The following LANCL3 variants were observed in gnomAD, a reference collection of about 807,000 sequenced individuals.
LANCL3 encodes the protein LanC like family member 3.
In LANCL3, 19 loss-of-function variants were observed where a neutral mutation model predicts 26.5. That is an observed-to-expected ratio of 0.72 (90% CI 0.50 to 1.05). The LOEUF (loss-of-function observed/expected upper bound fraction) is 1.05. Ranked by LOEUF, LANCL3 falls within the 50% of genes least tolerant of loss-of-function variation. The pLI is 0.00. For synonymous variants in LANCL3, 160 were observed against 166.6 expected (o/e 0.96, Z 0.30); for missense variants, 318 against 362.7 (o/e 0.88, Z 1.00).
At chrX:37,634,239 G>T (rs906010288) in intron 1 of LANCL3, among the ~76,000 whole-genome samples, 4 of 112,832 alleles carry the variant, frequency 3.5e-5, no homozygotes, top group Non-Finnish European at 5.6e-5. Flanking sequence ...CTTCGAGACA[G>T]GTGCAGGATA....
chrX:37,632,949 G>A lies in LANCL3; in HGVS notation c.574-22739G>A, dbSNP rs782590882. Among the ~76,000 whole-genome samples the A allele has an allele frequency of 5.3e-4, 58 of 110,432 alleles. 1 individual carries two copies. The highest frequency in any genetic ancestry group is 1.9e-3 in the African/African-American group (58 of 30,386). ...TATGTGTCTTGGAGTTGCTCTTCTC[G>A]AGGAGTATCTTTGTGGCATTCTCTG... On this transcript the variant is annotated intron_variant, in intron 1 of 4. Coordinates refer to ENST00000378619, the MANE Select transcript of LANCL3 (RefSeq NM_001170331.2).
intron 1 of LANCL3, among the ~76,000 whole-genome samples, chrX:37,602,184 C>T (rs897307948): frequency 1.8e-5 from 2 of 111,802 alleles, no homozygotes; most frequent in East Asian, 2.8e-4. Flanking sequence ...TTTGAAGTAA[C>T]AAACTATACC....
chrX:37,670,818 T>C (rs1202898710), intron 4 of LANCL3, among the ~76,000 whole-genome samples: 8 of 111,858 alleles, frequency 7.2e-5, no homozygotes, highest in Admixed American at 6.7e-4. Flanking sequence ...AGAAACATGG[T>C]ATACCTTTCC....
intron 1 of LANCL3, among the ~76,000 whole-genome samples, chrX:37,578,681 A>G (rs1169396995): frequency 1.8e-5 from 2 of 112,151 alleles, no homozygotes; most frequent in Non-Finnish European, 3.8e-5. Flanking sequence ...GTCTTTATTT[A>G]TTAAAAATTT....
intron 1 of LANCL3, among the ~76,000 whole-genome samples, chrX:37,644,755 A>C (rs1183744243): frequency 8.9e-6 from 1 of 112,202 alleles, no homozygotes; most frequent in Non-Finnish European, 1.9e-5. Flanking sequence ...GCTTTTTAAA[A>C]CTACTTTTGC....
intron 4 of LANCL3, chrX:37,668,449 TG>T: frequency 2.6e-6 from 1 of 388,133 alleles, no homozygotes; most frequent in Non-Finnish European, 4.7e-6. Context: ...TACCTCTGAC[TG>T]GTAAGCTGGG....
At chrX:37,634,179 G>A (rs3126416) in intron 1 of LANCL3, among the ~76,000 whole-genome samples, 25,942 of 111,527 alleles carry the variant, frequency 0.23, 2,594 homozygotes, top group African/African-American at 0.39. Context: ...TTGCAGTTTG[G>A]TCTCAGACTG....
Position 37,612,326 on chromosome X carries a change from C to A in LANCL3, c.573+39883C>A, listed in dbSNP as rs192538854. On this transcript the variant is annotated intron_variant, in intron 1 of 4. Transcript: ENST00000378619. ...GAATGGAACCTGGAAATCTGCATTT[C>A]TAACCCCCCTTCCCCATGTGATTTA... Among the ~76,000 whole-genome samples the A allele has an allele frequency of 9.9e-5, 11 of 111,626 alleles. No individual in the cohort carries two copies. The East Asian group carries it at 3.1e-3, about 32-fold the overall frequency.
intron 1 of LANCL3, among the ~76,000 whole-genome samples, chrX:37,596,876 G>A (rs1245070894): frequency 1.8e-5 from 2 of 111,556 alleles, no homozygotes; most frequent in East Asian, 5.6e-4. Context: ...ACAGTTCAAT[G>A]GTTTTAATAT....
At chrX:37,637,178 A>G (rs1338973551) in intron 1 of LANCL3, among the ~76,000 whole-genome samples, 7 of 111,912 alleles carry the variant, frequency 6.3e-5, no homozygotes, top group African/African-American at 9.8e-5. Flanking sequence ...TGAAAAAGGA[A>G]TTAAGTGTGC....
chrX:37,659,778 G>A lies in LANCL3; in HGVS notation c.895+119G>A, dbSNP rs935411973. 40 of 602,971 alleles carry A rather than the reference G, an allele frequency of 6.6e-5. 1 individual carries two copies. The Admixed American group carries it at 1.4e-3, about 21-fold the overall frequency. 49.7% of individuals were successfully genotyped at this position (602,971 alleles called of 1,213,427 possible). ...TGTCATTACTATGTGAGATAAAAGG[G>A]TCAAGATGAGATTTTTCAAAGCCAA... On this transcript the variant is annotated intron_variant, in intron 3 of 4. Transcript: ENST00000378619.
intron 1 of LANCL3, among the ~76,000 whole-genome samples, chrX:37,589,219 G>A (rs782532721): frequency 5.4e-5 from 6 of 111,670 alleles, no homozygotes; most frequent in Admixed American, 9.5e-5. Flanking sequence ...GAAATAGTCT[G>A]GACTCTCAAT....
intron 4 of LANCL3, among the ~76,000 whole-genome samples, chrX:37,670,462 A>G (rs1383287586): frequency 1.2e-5 from 1 of 84,870 alleles, no homozygotes; most frequent in African/African-American, 7.9e-5. Flanking sequence ...TAATAATTTT[A>G]TGATTTTAAC....
intron 1 of LANCL3, among the ~76,000 whole-genome samples, chrX:37,649,389 G>A (rs1926070733): frequency 1.8e-5 from 2 of 110,767 alleles, no homozygotes; most frequent in African/African-American, 6.6e-5. Flanking sequence ...TCACTCATAA[G>A]TGGGAGTTGA....
intron 1 of LANCL3, among the ~76,000 whole-genome samples, chrX:37,588,664 C>T (rs1556418476): frequency 9.0e-6 from 1 of 111,556 alleles, no homozygotes; most frequent in Non-Finnish European, 1.9e-5. Flanking sequence ...TGTGTAAGAT[C>T]AGATTTTCTT....
intron 4 of LANCL3, chrX:37,668,522 G>A: frequency 3.9e-6 from 1 of 258,283 alleles, no homozygotes; most frequent in Non-Finnish European, 7.5e-6. Context: ...CACAAGTAGG[G>A]GCTTCCCTGA....
chrX:37,580,036 A>G (rs1197376858), intron 1 of LANCL3, among the ~76,000 whole-genome samples: 1 of 112,024 alleles, frequency 8.9e-6, no homozygotes, highest in Non-Finnish European at 1.9e-5. Flanking sequence ...ACCAAACAAA[A>G]TGCATGTGTA....
chrX:37,631,970 T>C lies in LANCL3; in HGVS notation c.574-23718T>C, dbSNP rs782025410. 2.3e-3 allele frequency among the ~76,000 whole-genome samples: 254 copies of C among 110,853 alleles called. 1 individual carries two copies. Among genetic ancestry groups the C allele is most frequent in the African/African-American group, 8.2e-3 (247 of 30,176 alleles). On this transcript the variant is annotated intron_variant, in intron 1 of 4. Transcript: ENST00000378619. ...GAGTTCTGTAGATGTCTATTAGGTC[T>C]GCTTGGTGCAGAGCTGAGTTCAATT...
intron 1 of LANCL3, among the ~76,000 whole-genome samples, chrX:37,609,419 C>T (rs1036320022): frequency 5.4e-5 from 6 of 111,399 alleles, no homozygotes; most frequent in East Asian, 5.6e-4. Context: ...GGTGGAGAAT[C>T]GGGAAAGGGT....
Sources: gnomAD v4.1 joint callset for allele counts (sites outside exome capture counted in the v4.1 genomes callset) on GRCh38, gnomAD v4.1.1 for gene constraint, MANE v1.5 for transcripts, NCBI Gene and HGNC (gene_info 2026-07-23, HGNC 2026-07-21) for gene names.